ZMYND8: variants seen among roughly 807,000 people sequenced by gnomAD.
The protein encoded by ZMYND8 is zinc finger MYND-type containing 8, also known as MYND-type zinc finger-containing chromatin reader ZMYND8.
A neutral mutation model predicts 140.8 loss-of-function variants in ZMYND8; 37 were observed. The ratio of observed to expected loss-of-function variants is 0.26; its 90% CI spans 0.20 to 0.35. The LOEUF (loss-of-function observed/expected upper bound fraction) is 0.35. Ranked by LOEUF, ZMYND8 falls within the 10% of genes least tolerant of loss-of-function variation. The probability of loss-of-function intolerance (pLI) is 1.00; values close to 1 mark genes in which losing one functional copy is unlikely to be tolerated. For synonymous variants in ZMYND8, 592 were observed against 597.1 expected (o/e 0.99, Z 0.12); for missense variants, 1,068 against 1,570.0 (o/e 0.68, Z 5.40).
intron 2 of ZMYND8, among the ~76,000 whole-genome samples, chr20:47,336,516 C>T (rs2081395760): frequency 6.6e-6 from 1 of 152,114 alleles, no homozygotes; most frequent in Admixed American, 6.6e-5. Context: ...AACAGGGGAG[C>T]CTTTGTATGG....
intron 9 of ZMYND8, 35 bp from the exon 10 acceptor site, chr20:47,282,252 A>G (rs536239744): frequency 1.9e-6 from 3 of 1,583,984 alleles, no homozygotes; most frequent in South Asian, 2.2e-5. Context: ...GAGTTTGTAC[A>G]TATTTGACAG....
intron 15 of ZMYND8, 76 bp from the exon 16 acceptor site, chr20:47,236,592 A>C (rs2039265864): frequency 7.3e-7 from 1 of 1,372,296 alleles, no homozygotes; most frequent in Non-Finnish European, 9.6e-7. Flanking sequence ...GTAGAAGCAA[A>C]GCCCCTAATA....
At chr20:47,305,850 AAGAGC>A (rs1308688805) in intron 3 of ZMYND8, among the ~76,000 whole-genome samples, 5 of 152,176 alleles carry the variant, frequency 3.3e-5, no homozygotes, top group Non-Finnish European at 7.4e-5. Context: ...GTCAGAACTA[AAGAGC>A]AGAGTGGTAT....
chr20:47,223,872 G>C (rs902934224), intron 19 of ZMYND8, among the ~76,000 whole-genome samples: 1 of 151,764 alleles, frequency 6.6e-6, no homozygotes, highest in Non-Finnish European at 1.5e-5. Context: ...AGTGCTTCCT[G>C]CTGGAAGCTC....
chr20:47,228,382 T>G (rs1282002829), intron 17 of ZMYND8, among the ~76,000 whole-genome samples: 3 of 152,146 alleles, frequency 2.0e-5, no homozygotes, highest in Non-Finnish European at 4.4e-5. Context: ...ATTGCAGAAA[T>G]GGTGTCTCTA....
chr20:47,260,614 G>C (rs965886107), intron 12 of ZMYND8, among the ~76,000 whole-genome samples: 1 of 152,120 alleles, frequency 6.6e-6, no homozygotes, highest in African/African-American at 2.4e-5. Context: ...CTCTCAAAGA[G>C]GCCCCGTTTA....
chr20:47,258,460 G>T (rs763377490), intron 12 of ZMYND8, among the ~76,000 whole-genome samples: 1 of 152,124 alleles, frequency 6.6e-6, no homozygotes, highest in Non-Finnish European at 1.5e-5. Context: ...CCTATGAGTC[G>T]TAACACCTGC....
chr20:47,349,139 GAGA>G (rs1331792530), intron 1 of ZMYND8: 6 of 152,226 alleles, frequency 3.9e-5, no homozygotes, highest in Admixed American at 1.3e-4. Context: ...CTAGTATAAG[GAGA>G]AGATTTTAGG....
At chr20:47,276,908 A>G (rs1189770265) in intron 10 of ZMYND8, 113 bp from the exon 11 acceptor site, 8 of 727,754 alleles carry the variant, frequency 1.1e-5, no homozygotes, top group Non-Finnish European at 1.5e-5. Flanking sequence ...TTCTTATTCT[A>G]TTAAAAAAAA....
intron 3 of ZMYND8, among the ~76,000 whole-genome samples, chr20:47,301,782 G>A (rs1338801635): frequency 6.6e-6 from 1 of 151,990 alleles, no homozygotes; most frequent in African/African-American, 2.4e-5. Context: ...TGTGTATAAG[G>A]TATGTGATAT....
chr20:47,255,609 T>TACACAC (rs1555924113), intron 12 of ZMYND8, among the ~76,000 whole-genome samples: 3 of 131,228 alleles, frequency 2.3e-5, no homozygotes, highest in African/African-American at 8.9e-5. Context: ...TATATATATA[T>TACACAC]ACACACCATA....
chr20:47,349,902 TG>T, intron 1 of ZMYND8: 1 of 1,535,538 alleles, frequency 6.5e-7, no homozygotes, highest in Non-Finnish European at 8.7e-7. Flanking sequence ...AAAGGTGTAT[TG>T]ATCATGGAGG....
intron 2 of ZMYND8, among the ~76,000 whole-genome samples, chr20:47,326,882 T>C (rs1392638375): frequency 6.6e-6 from 1 of 152,082 alleles, no homozygotes; most frequent in Non-Finnish European, 1.5e-5. Context: ...TCAAGATAAA[T>C]ATTTGTCTTA....
intron 2 of ZMYND8, among the ~76,000 whole-genome samples, chr20:47,315,355 TGA>T (rs2079296894): frequency 6.6e-6 from 1 of 152,174 alleles, no homozygotes; most frequent in Admixed American, 6.5e-5. Flanking sequence ...CTGGAGTTGA[TGA>T]GAGTTCAGTG....
intron 19 of ZMYND8, among the ~76,000 whole-genome samples, chr20:47,221,986 G>A (rs933213857): frequency 1.3e-5 from 2 of 152,060 alleles, no homozygotes; most frequent in Non-Finnish European, 2.9e-5. Context: ...ATTTTTAATG[G>A]TTAGCAATTC....
chr20:47,210,751 C>T lies in ZMYND8; in HGVS notation c.*10G>A, dbSNP rs371423298. On this transcript the variant is annotated 3_prime_UTR_variant, in exon 23 of 23. Coordinates refer to ENST00000471951, the MANE Select transcript of ZMYND8 (RefSeq NM_001281775.3). ...CCAATGGGGTGGGTGGTTTGTGTCCCGATTCACTGCTAGTCCCAGAAGGTG... is the reference window on the plus strand; with the variant it reads ...CCAATGGGGTGGGTGGTTTGTGTCCTGATTCACTGCTAGTCCCAGAAGGTG... The T allele has an allele frequency of 1.7e-5, 28 of 1,614,010 alleles. No individual in the cohort carries two copies. In the African/African-American group the frequency reaches 1.9e-4, roughly 11 times the overall value.
intron 10 of ZMYND8, among the ~76,000 whole-genome samples, chr20:47,281,826 G>A (rs987232302): frequency 6.6e-6 from 1 of 152,114 alleles, no homozygotes; most frequent in African/African-American, 2.4e-5. Context: ...AAAAAGAACA[G>A]CAGCACTTCA....
At chr20:47,282,681 G>A (rs1318837180) in intron 9 of ZMYND8, among the ~76,000 whole-genome samples, 1 of 148,764 alleles carries the variant, frequency 6.7e-6, no homozygotes, top group Non-Finnish European at 1.5e-5. Flanking sequence ...GTCAAATCAC[G>A]CCACTGCACT....
chr20:47,265,885 T>C (rs1185687523), intron 11 of ZMYND8, among the ~76,000 whole-genome samples: 4 of 152,192 alleles, frequency 2.6e-5, no homozygotes, highest in Non-Finnish European at 5.9e-5. Context: ...TATTAAAAAA[T>C]GGTTTTAAGC....
Sources: allele counts gnomAD v4.1 joint callset (sites outside exome capture counted in the v4.1 genomes callset), GRCh38; gene constraint gnomAD v4.1.1; transcripts MANE v1.5; gene names NCBI Gene and HGNC (gene_info 2026-07-23, HGNC 2026-07-21).